The following NCAPG2 variants were observed in gnomAD, a reference collection of about 807,000 sequenced individuals.
The protein encoded by NCAPG2 is condensin-2 complex subunit G2.
NCAPG2 carries 53 observed loss-of-function variants against 141.1 expected under a neutral mutation model. That is an observed-to-expected ratio of 0.38 (90% confidence interval 0.30 to 0.47). The LOEUF (loss-of-function observed/expected upper bound fraction) is 0.47, where lower values mean the gene tolerates loss of function less well. Among genes scored for constraint, NCAPG2 ranks in the 20% least tolerant of loss-of-function variants. The probability of loss-of-function intolerance (pLI) is 0.99; values close to 1 mark genes in which losing one functional copy is unlikely to be tolerated. For missense variants in NCAPG2, 1,087 were observed against 1,389.0 expected (o/e 0.78, Z 3.46); for synonymous variants, 499 against 490.7 (o/e 1.02, Z -0.22).
chr7:158,639,679 CA>C (rs1196064184), intron 27 of NCAPG2: 1 of 190,246 alleles, frequency 5.3e-6, no homozygotes, highest in Non-Finnish European at 9.7e-6. Flanking sequence ...TGTTGTTCCA[CA>C]GCATCAGATG....
chr7:158,643,976 T>G (rs1370794240), intron 27 of NCAPG2, among the ~76,000 whole-genome samples: 2 of 152,246 alleles, frequency 1.3e-5, no homozygotes, highest in Non-Finnish European at 2.9e-5. Context: ...GAAACGCCCA[T>G]GGTTTCAATA....
At chr7:158,685,084 T>C (rs1471994872) in intron 8 of NCAPG2, among the ~76,000 whole-genome samples, 2 of 152,208 alleles carry the variant, frequency 1.3e-5, no homozygotes, top group Non-Finnish European at 2.9e-5. Flanking sequence ...AGTAAAAATT[T>C]TATTCTCAGA....
chr7:158,698,698 A>T (rs899728956), intron 2 of NCAPG2, among the ~76,000 whole-genome samples: 1 of 151,992 alleles, frequency 6.6e-6, no homozygotes, highest in Non-Finnish European at 1.5e-5. Flanking sequence ...GACTGTACCA[A>T]CTCTGTTCAA....
intron 27 of NCAPG2, among the ~76,000 whole-genome samples, chr7:158,634,036 C>T (rs995681762): frequency 2.0e-5 from 3 of 152,102 alleles, no homozygotes; most frequent in Non-Finnish European, 1.5e-5. Flanking sequence ...GACACCATAC[C>T]TGGCCTAAAA....
At position 158,654,765 on chromosome 7, in the gene NCAPG2, CTTCTCCTATCCATGTGCTAG is replaced by C. The variant is rs1226998394; in HGVS notation, c.2647-91_2647-72del. The C allele has an allele frequency of 4.5e-4, 688 of 1,535,162 alleles. 1 individual carries two copies. The highest frequency in any genetic ancestry group is 5.5e-4 in the Non-Finnish European group (630 of 1,144,324). ...AGGGAGTAAATCCAGCCTCACAAAG[CTTCTCCTATCCATGTGCTAG>C]TTATCTTATAAAGCAGATTTTTATA... On this transcript the variant is annotated intron_variant, in intron 21 of 27. Coordinates refer to ENST00000356309, the MANE Select transcript of NCAPG2 (RefSeq NM_017760.7).
intron 27 of NCAPG2, among the ~76,000 whole-genome samples, chr7:158,632,540 A>G (rs1829959874): frequency 6.6e-6 from 1 of 152,074 alleles, no homozygotes. Flanking sequence ...ACAAATATCT[A>G]CCTTTCACTC....
intron 16 of NCAPG2, 44 bp from the exon 17 acceptor site, chr7:158,658,452 C>T: frequency 6.7e-7 from 1 of 1,495,886 alleles, no homozygotes; most frequent in South Asian, 1.3e-5. Flanking sequence ...TATGTAAGCA[C>T]TATAAATTCT....
intron 7 of NCAPG2, among the ~76,000 whole-genome samples, chr7:158,686,751 A>G (rs751929918): frequency 2.0e-5 from 3 of 152,246 alleles, no homozygotes; most frequent in Non-Finnish European, 2.9e-5. Context: ...TCAGAGATCC[A>G]GAATCAGATC....
Position 158,664,549 on chromosome 7 carries a change from G to C in NCAPG2, c.1681C>G (p.His561Asp). Residue 561 changes from histidine to aspartate, a missense_variant, in exon 14 of 28, where the codon CAC becomes GAC. His to Asp is a moderately conservative substitution (Grantham distance 81). Coordinates refer to ENST00000356309, the MANE Select transcript of NCAPG2 (RefSeq NM_017760.7). ...CTACCTATGTTGGTGCAGGCGGTGT[G>C]TTCGTGGGCGTACTGATAGAACCTC... ...ARRFYQYAHE[H>D]TACTNIAKLI... 1 of 1,614,180 alleles carries C rather than the reference G, an allele frequency of 6.2e-7. No individual in the cohort carries two copies.
rs1829888409 is a variant in NCAPG2, at chr7:158,631,430, C to G, written c.*236G>C. ...TTTCTTGGAATCATGGATTTCTACA[C>G]CATTCATACCTGGAGTCCTTTATAT... On this transcript the variant is annotated 3_prime_UTR_variant, in exon 28 of 28. Coordinates refer to ENST00000356309, the MANE Select transcript of NCAPG2 (RefSeq NM_017760.7). The G allele has an allele frequency of 4.1e-6, 2 of 493,150 alleles. No individual in the cohort carries two copies. Among genetic ancestry groups the G allele is most frequent in the Non-Finnish European group, 7.0e-6 (2 of 285,026 alleles). 30.5% of individuals were successfully genotyped at this position (493,150 alleles called of 1,614,324 possible). A position where few individuals can be genotyped will look rare whatever the true frequency, so the allele number is the denominator to read the frequency against.
chr7:158,682,962 A>G (rs1448330477), intron 9 of NCAPG2, among the ~76,000 whole-genome samples: 1 of 152,268 alleles, frequency 6.6e-6, no homozygotes, highest in Non-Finnish European at 1.5e-5. Context: ...TTGGAATTTA[A>G]TAAGTAAAAT....
intron 27 of NCAPG2, among the ~76,000 whole-genome samples, chr7:158,634,253 T>G (rs1830049549): frequency 6.6e-6 from 1 of 152,182 alleles, no homozygotes; most frequent in Non-Finnish European, 1.5e-5. Flanking sequence ...TCCTCCTGTA[T>G]GCTTTAAATC....
chr7:158,666,540 T>C (rs1236228855), intron 13 of NCAPG2, among the ~76,000 whole-genome samples: 2 of 151,438 alleles, frequency 1.3e-5, no homozygotes, highest in African/African-American at 2.4e-5. Flanking sequence ...TACAAGATCA[T>C]AGCACTTTTA....
chr7:158,684,350 G>A (rs978563155), intron 8 of NCAPG2, among the ~76,000 whole-genome samples: 2 of 152,230 alleles, frequency 1.3e-5, no homozygotes, highest in Non-Finnish European at 2.9e-5. Flanking sequence ...TTAAGAAAAG[G>A]AAAGGAGGGA....
At chr7:158,654,833 T>G (rs1406048202) in intron 21 of NCAPG2, 139 bp from the exon 22 acceptor site, 59 of 1,385,860 alleles carry the variant, frequency 4.3e-5, no homozygotes, top group Non-Finnish European at 5.3e-5. Context: ...AAAGGAATTT[T>G]CATAAAGATA....
chr7:158,640,052 C>CAAAAAAAAAAAAAAAAA (rs58368997), intron 27 of NCAPG2: 11 of 98,320 alleles, frequency 1.1e-4, no homozygotes, highest in Non-Finnish European at 1.8e-4. Context: ...GAATAAATGC[C>CAAAAAAAAAAAAAAAAA]AAAAAAAAAA....
chr7:158,672,229 G>C (rs964613433), intron 12 of NCAPG2, among the ~76,000 whole-genome samples: 1 of 143,054 alleles, frequency 7.0e-6, no homozygotes, highest in Non-Finnish European at 1.5e-5. Context: ...TCAGGAGAAA[G>C]GACATTTTCA....
rs1830945482 is a variant in NCAPG2, at chr7:158,645,554, G to A, written c.3245C>T (p.Thr1082Met). The change falls in exon 26 of 28, where the codon ACG (threonine) becomes ATG (methionine). Residue 1082 changes from threonine (T) to methionine (M), a missense_variant. Coordinates refer to ENST00000356309, the MANE Select transcript of NCAPG2 (RefSeq NM_017760.7). Reference protein sequence around the residue: ...SNDIEGIVCLTAAVHIILVIN... With the variant: ...SNDIEGIVCLMAAVHIILVIN... Reference sequence around the variant, plus strand: ...AACCAGGATAATATGCACAGCAGCCGTGAGGCACACAATGCCTTCAATATC... The same window carrying A: ...AACCAGGATAATATGCACAGCAGCCATGAGGCACACAATGCCTTCAATATC... 2.5e-6 allele frequency: 4 copies of A among 1,614,184 alleles called. No individual in the cohort carries two copies. Among genetic ancestry groups the A allele is most frequent in the South Asian group, 1.1e-5 (1 of 91,080 alleles).
In NCAPG2 at chr7:158,650,943, A is replaced by G. The variant is rs1290596791; in HGVS notation, c.2964T>C (p.His988=). ...GAGACTGAACAGCAGTAATGAACTC[A>G]TGAAGAGGCCTCTGAACAGAATAAA... ...RLLYSVQRPL[H]EFITAVQSRH... The change falls in exon 24 of 28, where the codon CAT becomes CAC. Residue 988 remains histidine (H), a synonymous_variant. Transcript: ENST00000356309. 1 of 1,613,074 alleles carries G rather than the reference A, an allele frequency of 6.2e-7. No homozygotes were observed. Among genetic ancestry groups the G allele is most frequent in the Non-Finnish European group, 8.5e-7 (1 of 1,179,636 alleles).
Sources: allele counts gnomAD v4.1 joint callset (sites outside exome capture counted in the v4.1 genomes callset), GRCh38; gene constraint gnomAD v4.1.1; transcripts MANE v1.5; gene names NCBI Gene and HGNC (gene_info 2026-07-23, HGNC 2026-07-21).